PGS1: variants seen among roughly 807,000 people sequenced by gnomAD.
PGS1 encodes the protein CDP-diacylglycerol--glycerol-3-phosphate 3-phosphatidyltransferase, mitochondrial.
PGS1 carries 44 observed loss-of-function variants against 58.3 expected under a neutral mutation model. The observed-to-expected ratio is 0.75, with a 90% CI of 0.59 to 0.97. PGS1 has a LOEUF of 0.97. Among genes scored for constraint, PGS1 ranks in the 50% least tolerant of loss-of-function variants. The pLI, the probability that PGS1 is intolerant of heterozygous loss-of-function variation, is 0.00. For synonymous variants in PGS1, 330 were observed against 311.0 expected, an observed-to-expected ratio of 1.06 and a Z score of -0.64; for missense variants, 684 against 731.1, an observed-to-expected ratio of 0.94 and a Z score of 0.74.
intron 5 of PGS1, chr17:78,399,830 A>C (rs1042597614): frequency 4.5e-6 from 2 of 440,198 alleles, no homozygotes; most frequent in Non-Finnish European, 4.2e-6. Context: ...CACTGTGTAC[A>C]TGTGGAAACA....
At position 78,424,344 on chromosome 17, in the gene PGS1, G is replaced by A. The variant is rs181135700; in HGVS notation, c.*294G>A. On this transcript the variant is annotated 3_prime_UTR_variant, in exon 10 of 10. Transcript: ENST00000262764. The stretch of plus-strand genomic sequence containing the variant: ...ATGGCCTGCATGTTGTAACTACCCC[G>A]TCCCGCTGGGCTCAAGGAACAGCTC... 102 of 634,308 alleles carry A rather than the reference G, an allele frequency of 1.6e-4. 1 individual carries two copies. In the Admixed American group the frequency reaches 2.4e-3, roughly 15 times the overall value. 39.3% of individuals were successfully genotyped at this position (634,308 alleles called of 1,614,324 possible).
At chr17:78,382,409 G>T (rs2082093809) in intron 1 of PGS1, among the ~76,000 whole-genome samples, 1 of 152,100 alleles carries the variant, frequency 6.6e-6, no homozygotes, top group African/African-American at 2.4e-5. Flanking sequence ...GTGAGAATCA[G>T]TCTTGATGGG....
At chr17:78,384,248 G>A (rs1055623247) in intron 1 of PGS1, among the ~76,000 whole-genome samples, 1 of 152,144 alleles carries the variant, frequency 6.6e-6, no homozygotes, top group African/African-American at 2.4e-5. Context: ...CAGGCCGTTG[G>A]TCTTTTGTAA....
At position 78,423,107 on chromosome 17, in the gene PGS1, A is replaced by AAAAAAAAAAAAAATGTT. The variant is rs1291710006; in HGVS notation, c.*11-942_*11-941insATGTTAAAAAAAAAAAA. ...GAGTGAAACTCTCACTCTCCCTCGA[A>AAAAAAAAAAAAAATGTT]AAAAAAAAAAAATGTTGATCCTGTC... On this transcript the variant is annotated intron_variant, in intron 9 of 9. Transcript: ENST00000262764. 2.9e-5 allele frequency among the ~76,000 whole-genome samples: 4 copies of AAAAAAAAAAAAAATGTT among 137,394 alleles called. No individual in the cohort carries two copies. In the East Asian group the frequency reaches 6.0e-4, roughly 21 times the overall value. The allele number at this position is 137,394 out of a possible 152,430, so 90.1% of individuals were successfully genotyped here.
At chr17:78,394,485 C>T (rs997268899) in intron 2 of PGS1, among the ~76,000 whole-genome samples, 18 of 152,294 alleles carry the variant, frequency 1.2e-4, no homozygotes, top group African/African-American at 4.1e-4. Flanking sequence ...CCGAATGATG[C>T]TGCAACTGTT....
rs1567959064 is a variant in PGS1, at chr17:78,396,258, T to A, written c.334-50T>A. 46 of 1,412,212 alleles carry A rather than the reference T, an allele frequency of 3.3e-5. 1 individual carries two copies. In the East Asian group the frequency reaches 1.0e-3, roughly 32 times the overall value. 87.5% of individuals were successfully genotyped at this position (1,412,212 alleles called of 1,614,324 possible). On this transcript the variant is annotated intron_variant, in intron 2 of 9. Coordinates refer to ENST00000262764, the MANE Select transcript of PGS1 (RefSeq NM_024419.5). The stretch of plus-strand genomic sequence containing the variant: ...AGGTCAAAGGGTTCTGTTTTCTTAG[T>A]GAACCATGAAAATGATGAATTTGAA...
intron 9 of PGS1, chr17:78,420,059 A>C (rs920659377): frequency 2.6e-5 from 28 of 1,072,098 alleles, no homozygotes; most frequent in Non-Finnish European, 3.1e-5. Context: ...GGTGCAGGAG[A>C]TGTAGACGTG....
intron 5 of PGS1, 62 bp downstream of exon 5, chr17:78,399,599 A>G: frequency 1.9e-6 from 3 of 1,542,062 alleles, no homozygotes. Flanking sequence ...GGGCAGTGGA[A>G]TAGGAACAGT....
intron 7 of PGS1, among the ~76,000 whole-genome samples, chr17:78,410,638 T>TA (rs2084589027): frequency 7.9e-5 from 12 of 151,804 alleles, no homozygotes; most frequent in Admixed American, 2.0e-4. Flanking sequence ...AATGCCCAGC[T>TA]AGTTTTTGTA....
rs374620677 is a variant in PGS1, at chr17:78,398,326, C to G, written c.486C>G (p.Leu162=). The G allele has an allele frequency of 1.0e-4, 164 of 1,613,814 alleles. No homozygotes were observed. Among genetic ancestry groups the G allele is most frequent in the Non-Finnish European group, 1.3e-4 (154 of 1,179,828 alleles). The change falls in exon 4 of 10, where the codon CTC becomes CTG. Residue 162 remains leucine (L), a synonymous_variant. Transcript: ENST00000262764. ...KFPSNLKVSI[L]LDFTRGSRGR... ...CTTCAAATCTCAAGGTCTCCATTCT[C>G]TTAGACTTCACGCGGGGCTCACGAG...
chr17:78,410,998 A>G (rs2084638583), intron 7 of PGS1, among the ~76,000 whole-genome samples: 1 of 152,112 alleles, frequency 6.6e-6, no homozygotes, highest in Admixed American at 6.5e-5. Flanking sequence ...CTCTACAAAT[A>G]TCGGAACGAG....
intron 7 of PGS1, among the ~76,000 whole-genome samples, chr17:78,407,487 A>T (rs1408043600): frequency 6.6e-6 from 1 of 152,100 alleles, no homozygotes; most frequent in African/African-American, 2.4e-5. Context: ...TCATTTCCTG[A>T]CTGTCTGCCC....
intron 1 of PGS1, among the ~76,000 whole-genome samples, chr17:78,391,148 A>T (rs1308188734): frequency 6.6e-6 from 1 of 152,084 alleles, no homozygotes; most frequent in Non-Finnish European, 1.5e-5. Flanking sequence ...GGGTTTCACC[A>T]TGTTGGCTAG....
intron 9 of PGS1, among the ~76,000 whole-genome samples, chr17:78,423,275 C>A (rs8067560): frequency 2.6e-5 from 4 of 151,934 alleles, no homozygotes; most frequent in African/African-American, 9.7e-5. Context: ...CCTGCATCAG[C>A]CCAGCCACAG....
Position 78,381,363 on chromosome 17 carries a change from C to T in PGS1, c.143+2555C>T, listed in dbSNP as rs556804555. ...ACAGAAGTTTTTGCTTTGTAATCCT[C>T]GGAAATAATGCCTATGGTAGGACTG... On this transcript the variant is annotated intron_variant, in intron 1 of 9. Coordinates refer to ENST00000262764, the MANE Select transcript of PGS1 (RefSeq NM_024419.5). Among the ~76,000 whole-genome samples the T allele has an allele frequency of 9.2e-5, 14 of 152,288 alleles. No homozygotes were observed. In the East Asian group the frequency reaches 1.3e-3, roughly 15 times the overall value.
chr17:78,410,300 C>G (rs1403020925), intron 7 of PGS1, among the ~76,000 whole-genome samples: 1 of 148,032 alleles, frequency 6.8e-6, no homozygotes, highest in Admixed American at 6.7e-5. Flanking sequence ...ATGGTTACAG[C>G]CGCCTGTAAT....
intron 8 of PGS1, among the ~76,000 whole-genome samples, chr17:78,415,828 T>C (rs1223717277): frequency 1.3e-5 from 2 of 152,220 alleles, no homozygotes; most frequent in African/African-American, 2.4e-5. Flanking sequence ...ACCTCGATGG[T>C]GCCTTGGGCT....
chr17:78,422,274 G>A (rs1156288565), intron 9 of PGS1, among the ~76,000 whole-genome samples: 3 of 152,116 alleles, frequency 2.0e-5, no homozygotes, highest in South Asian at 4.1e-4. Context: ...TCCCTTCTCT[G>A]CAGCCACAAA....
At chr17:78,408,124 A>G (rs943084240) in intron 7 of PGS1, among the ~76,000 whole-genome samples, 62 of 152,260 alleles carry the variant, frequency 4.1e-4, no homozygotes, top group African/African-American at 1.4e-3. Context: ...CAATCAGTCT[A>G]TCATGTATCT....
Sources: gnomAD v4.1 joint callset for allele counts (sites outside exome capture counted in the v4.1 genomes callset) on GRCh38, gnomAD v4.1.1 for gene constraint, MANE v1.5 for transcripts, NCBI Gene and HGNC (gene_info 2026-07-23, HGNC 2026-07-21) for gene names.